The following CDH4 variants were observed in gnomAD, a reference collection of about 807,000 sequenced individuals.
The protein encoded by CDH4 is cadherin-4.
Under a neutral mutation model 86.0 loss-of-function variants are expected in CDH4, and 33 were observed. The ratio of observed to expected loss-of-function variants is 0.38; its 90% confidence interval spans 0.29 to 0.51. The LOEUF (loss-of-function observed/expected upper bound fraction) is 0.51. Ranked by LOEUF, CDH4 falls within the 20% of genes least tolerant of loss-of-function variation. The pLI is 0.86. For missense variants in CDH4, 1,114 were observed against 1,307.4 expected (o/e 0.85, Z 2.28); for synonymous variants, 555 against 549.4 (o/e 1.01, Z -0.14).
intron 2 of CDH4, among the ~76,000 whole-genome samples, chr20:61,528,724 T>C (rs547412218): frequency 6.6e-6 from 1 of 152,230 alleles, no homozygotes; most frequent in African/African-American, 2.4e-5. Flanking sequence ...AACGATGATT[T>C]AGATAGGCTG....
chr20:61,908,883 C>T (rs887185131), intron 8 of CDH4, among the ~76,000 whole-genome samples: 4 of 152,228 alleles, frequency 2.6e-5, no homozygotes, highest in African/African-American at 9.6e-5. Context: ...GGTCAGGCTC[C>T]TGGGTTCAGG....
At chr20:61,792,185 G>A (rs1490289937) in intron 4 of CDH4, among the ~76,000 whole-genome samples, 1 of 152,122 alleles carries the variant, frequency 6.6e-6, no homozygotes, top group African/African-American at 2.4e-5. Flanking sequence ...GGCCTGCAGG[G>A]AAGGACCCAG....
intron 2 of CDH4, among the ~76,000 whole-genome samples, chr20:61,568,851 T>C (rs1368376457): frequency 2.6e-5 from 4 of 152,206 alleles, no homozygotes; most frequent in African/African-American, 9.7e-5. Flanking sequence ...GCACCTGCAT[T>C]GCATGAGTGG....
chr20:61,831,460 C>G (rs945051550), intron 4 of CDH4, among the ~76,000 whole-genome samples: 3 of 152,248 alleles, frequency 2.0e-5, no homozygotes, highest in African/African-American at 7.2e-5. Context: ...GAGCCTGCAC[C>G]CCCTCCAGGA....
At chr20:61,290,469 G>A (rs371489792) in intron 2 of CDH4, among the ~76,000 whole-genome samples, 65 of 148,984 alleles carry the variant, frequency 4.4e-4, no homozygotes, top group African/African-American at 1.6e-3. Flanking sequence ...ATTTATCCCC[G>A]TATCCAATGA....
At chr20:61,824,308 A>G (rs1011374522) in intron 4 of CDH4, among the ~76,000 whole-genome samples, 20 of 151,282 alleles carry the variant, frequency 1.3e-4, no homozygotes, top group East Asian at 2.0e-4. Flanking sequence ...GATAACTGGT[A>G]TGGCTTGAGA....
At chr20:61,430,586 G>A (rs1317071358) in intron 2 of CDH4, among the ~76,000 whole-genome samples, 2 of 152,124 alleles carry the variant, frequency 1.3e-5, no homozygotes, top group Non-Finnish European at 2.9e-5. Context: ...ATGGGCCGCC[G>A]TGTTCTGAAT....
At chr20:61,737,614 A>T (rs1336379244) in intron 2 of CDH4, among the ~76,000 whole-genome samples, 1 of 152,152 alleles carries the variant, frequency 6.6e-6, no homozygotes, top group African/African-American at 2.4e-5. Context: ...TGTTTGTGGG[A>T]TGGACGACCT....
intron 8 of CDH4, among the ~76,000 whole-genome samples, chr20:61,897,980 G>A (rs572108025): frequency 3.9e-5 from 6 of 152,334 alleles, no homozygotes; most frequent in Non-Finnish European, 8.8e-5. Flanking sequence ...GACAATGGAC[G>A]GATGACCCTG....
chr20:61,342,120 G>A (rs2084652132), intron 2 of CDH4, among the ~76,000 whole-genome samples: 1 of 152,176 alleles, frequency 6.6e-6, no homozygotes, highest in East Asian at 1.9e-4. Flanking sequence ...TCCTGGGACA[G>A]CAATGATTGA....
chr20:61,378,019 C>T (rs979118985), intron 2 of CDH4, among the ~76,000 whole-genome samples: 4 of 152,146 alleles, frequency 2.6e-5, no homozygotes, highest in African/African-American at 9.7e-5. Flanking sequence ...TTTGAGAGGC[C>T]GAGGTGGGCG....
chr20:61,757,521 C>A (rs995547453), intron 3 of CDH4, among the ~76,000 whole-genome samples: 22 of 152,338 alleles, frequency 1.4e-4, no homozygotes, highest in African/African-American at 4.8e-4. Flanking sequence ...GCTGCAGGGG[C>A]GGCCCCAGAC....
intron 4 of CDH4, among the ~76,000 whole-genome samples, chr20:61,824,254 C>T (rs985011019): frequency 6.6e-6 from 1 of 152,050 alleles, no homozygotes; most frequent in African/African-American, 2.4e-5. Flanking sequence ...ATCCCCATTG[C>T]CACCTTGTCA....
intron 2 of CDH4, among the ~76,000 whole-genome samples, chr20:61,620,012 C>G (rs770753444): frequency 6.6e-5 from 10 of 152,148 alleles, no homozygotes; most frequent in Non-Finnish European, 1.3e-4. Flanking sequence ...TGGTAATGGG[C>G]CCAGCATTCA....
intron 2 of CDH4, among the ~76,000 whole-genome samples, chr20:61,717,297 C>G (rs1296871252): frequency 6.6e-6 from 1 of 152,214 alleles, no homozygotes; most frequent in Non-Finnish European, 1.5e-5. Context: ...AGTGACAACA[C>G]AGGGTGGACA....
intron 4 of CDH4, among the ~76,000 whole-genome samples, chr20:61,787,475 A>C (rs115257136): frequency 0.054 from 8,257 of 152,234 alleles, 711 homozygotes; most frequent in African/African-American, 0.19. Flanking sequence ...AACTGCGCCC[A>C]TGATTCAATT....
At chr20:61,280,484 A>C (rs1040174326) in intron 2 of CDH4, among the ~76,000 whole-genome samples, 1 of 152,110 alleles carries the variant, frequency 6.6e-6, no homozygotes, top group Non-Finnish European at 1.5e-5. Flanking sequence ...CTCTTCCAAC[A>C]TGGCGGTGGG....
intron 9 of CDH4, among the ~76,000 whole-genome samples, chr20:61,917,182 G>T (rs1391111855): frequency 6.6e-6 from 1 of 152,198 alleles, no homozygotes; most frequent in Non-Finnish European, 1.5e-5. Flanking sequence ...ACCAGCCGGG[G>T]ATGAGGAATG....
intron 4 of CDH4, among the ~76,000 whole-genome samples, chr20:61,819,151 G>T (rs868673556): frequency 4.6e-5 from 7 of 152,188 alleles, no homozygotes; most frequent in African/African-American, 1.2e-4. Context: ...CTTTGTATCT[G>T]CAAGGATGTC....
Sources: gnomAD v4.1 joint callset for allele counts (sites outside exome capture counted in the v4.1 genomes callset) on GRCh38, gnomAD v4.1.1 for gene constraint, MANE v1.5 for transcripts, NCBI Gene and HGNC (gene_info 2026-07-23, HGNC 2026-07-21) for gene names.